The following NELL2 variants were observed in gnomAD, a reference collection of about 807,000 sequenced individuals.
NELL2 encodes neural EGFL like 2, also known as protein kinase C-binding protein NELL2.
A neutral mutation model predicts 109.6 loss-of-function variants in NELL2; 41 were observed. That is an observed-to-expected ratio of 0.37 (90% CI 0.29 to 0.49). The LOEUF is 0.49. NELL2 is among the 20% of genes least tolerant of loss of function. The probability of loss-of-function intolerance (pLI) is 0.98; values close to 1 mark genes in which losing one functional copy is unlikely to be tolerated. For missense variants in NELL2, 900 were observed against 1,008.3 expected, an observed-to-expected ratio of 0.89 and a Z score of 1.45; for synonymous variants, 355 against 344.7, an observed-to-expected ratio of 1.03 and a Z score of -0.33.
At chr12:44,799,303 A>G (rs1465930179) in intron 3 of NELL2, among the ~76,000 whole-genome samples, 2 of 152,040 alleles carry the variant, frequency 1.3e-5, no homozygotes, top group Non-Finnish European at 2.9e-5. Context: ...ACCTTTGTGC[A>G]ATACAGTAAG....
chr12:44,872,497 T>C (rs1172324805), intron 2 of NELL2, among the ~76,000 whole-genome samples: 2 of 152,122 alleles, frequency 1.3e-5, no homozygotes, highest in Non-Finnish European at 2.9e-5. Context: ...TAATAATAAA[T>C]TTACGAGTTT....
intron 13 of NELL2, among the ~76,000 whole-genome samples, chr12:44,627,509 C>T (rs946602510): frequency 3.3e-5 from 5 of 150,702 alleles, no homozygotes; most frequent in African/African-American, 9.7e-5. Flanking sequence ...GTACAACGAA[C>T]TTATTACTTA....
chr12:44,579,891 C>T (rs2136208911), intron 15 of NELL2, among the ~76,000 whole-genome samples: 1 of 152,284 alleles, frequency 6.6e-6, no homozygotes, highest in Middle Eastern at 3.4e-3. Context: ...ATTTCAATGG[C>T]TTTCTGAGAG....
upstream of NELL2, chr12:44,876,598 T>C: frequency 1.3e-6 from 2 of 1,545,938 alleles, no homozygotes; most frequent in East Asian, 2.4e-5. Context: ...GGGCGGTCTT[T>C]GCTCTCACCC....
intron 13 of NELL2, among the ~76,000 whole-genome samples, chr12:44,657,189 T>C (rs1458880187): frequency 6.6e-6 from 1 of 152,160 alleles, no homozygotes; most frequent in Non-Finnish European, 1.5e-5. Flanking sequence ...GAAGAAAATA[T>C]CATCATAAAA....
chr12:44,760,080 T>A (rs965170839), intron 9 of NELL2, among the ~76,000 whole-genome samples: 5 of 152,188 alleles, frequency 3.3e-5, no homozygotes, highest in African/African-American at 1.2e-4. Context: ...GCACTTAGAA[T>A]CTAAATTTGC....
At position 44,580,835 on chromosome 12, in the gene NELL2, A is replaced by G. The variant is rs1027378046; in HGVS notation, c.1663+26334T>C. Among the ~76,000 whole-genome samples, 5 of 152,148 alleles carry G rather than the reference A, an allele frequency of 3.3e-5. No homozygotes were observed. In the South Asian group the frequency reaches 1.0e-3, roughly 31 times the overall value. ...GTATTTTATTATTTGTGAGCTGTAC[A>G]TTTCAGCTCATTTTATATAACAAAT... On this transcript the variant is annotated intron_variant, in intron 15 of 19. Coordinates refer to ENST00000429094, the MANE Select transcript of NELL2 (RefSeq NM_001145108.2).
chr12:44,738,617 T>A (rs73285437), intron 9 of NELL2, among the ~76,000 whole-genome samples: 1 of 151,944 alleles, frequency 6.6e-6, no homozygotes, highest in African/African-American at 2.4e-5. Flanking sequence ...GTCAAACTCA[T>A]AGAAGCAAAG....
intron 9 of NELL2, among the ~76,000 whole-genome samples, chr12:44,725,502 G>T (rs931375557): frequency 6.6e-6 from 1 of 152,040 alleles, no homozygotes; most frequent in African/African-American, 2.4e-5. Flanking sequence ...CCCATTACTG[G>T]GTACATACTC....
At chr12:44,873,032 C>T (rs1332602497) in intron 2 of NELL2, among the ~76,000 whole-genome samples, 1 of 152,164 alleles carries the variant, frequency 6.6e-6, no homozygotes, top group East Asian at 1.9e-4. Context: ...CAAAGGGCCA[C>T]CTTTTGTCAA....
chr12:44,723,493 T>G (rs558964663), intron 9 of NELL2, among the ~76,000 whole-genome samples: 3 of 152,174 alleles, frequency 2.0e-5, no homozygotes, highest in Non-Finnish European at 4.4e-5. Context: ...ACTTTAAACA[T>G]TTTAAACACA....
At position 44,623,754 on chromosome 12, in the gene NELL2, TG is replaced by T. The variant is rs777859116; in HGVS notation, c.1445-12785del. On this transcript the variant is annotated intron_variant, in intron 13 of 19. Coordinates refer to ENST00000429094, the MANE Select transcript of NELL2 (RefSeq NM_001145108.2). ...TGTTTGCCATTTTTACTTATGCCCT[TG>T]GCCTCTGGGATTCCAATCAGACTGT... 1.0e-3 allele frequency among the ~76,000 whole-genome samples: 156 copies of T among 152,284 alleles called. 2 individuals are homozygous for T. Among genetic ancestry groups the T allele is most frequent in the Non-Finnish European group, 1.6e-3 (112 of 68,020 alleles).
chr12:44,920,685 T>G (rs926127888), intron 1 of NELL2, among the ~76,000 whole-genome samples: 6 of 152,178 alleles, frequency 3.9e-5, no homozygotes, highest in Non-Finnish European at 7.3e-5. Context: ...GTGGCAGAAT[T>G]TCCTACAAGC....
intron 11 of NELL2, among the ~76,000 whole-genome samples, chr12:44,710,067 G>A (rs1482865762): frequency 2.6e-5 from 4 of 152,120 alleles, no homozygotes; most frequent in Non-Finnish European, 5.9e-5. Context: ...AATTCCTAAA[G>A]AGCCTCACAT....
At chr12:44,537,915 T>C (rs1347581536) in intron 15 of NELL2, among the ~76,000 whole-genome samples, 4 of 152,162 alleles carry the variant, frequency 2.6e-5, no homozygotes. Flanking sequence ...TGGTAACATA[T>C]GTAAGTAAAA....
chr12:44,598,373 G>T (rs984109968), intron 15 of NELL2, among the ~76,000 whole-genome samples: 9 of 151,476 alleles, frequency 5.9e-5, no homozygotes, highest in Non-Finnish European at 4.4e-5. Flanking sequence ...ATTTAGGAAC[G>T]GAAAAAAACA....
intron 9 of NELL2, among the ~76,000 whole-genome samples, chr12:44,761,646 G>T (rs903230688): frequency 6.6e-6 from 1 of 152,254 alleles, no homozygotes; most frequent in South Asian, 2.1e-4. Context: ...TCAATGTAAT[G>T]ACTGGATAAA....
chr12:44,862,337 A>G (rs1944867433), intron 2 of NELL2, among the ~76,000 whole-genome samples: 1 of 152,240 alleles, frequency 6.6e-6, no homozygotes, highest in Non-Finnish European at 1.5e-5. Flanking sequence ...TGTTTTTAAT[A>G]GTGGTATTTC....
Position 44,821,219 on chromosome 12 carries a change from T to C in NELL2, c.185-5083A>G, listed in dbSNP as rs1439577940. ...CTTGATAGCAGCAACAATTACTACTTCCTTTTTTAAAATAAGCAAAAACAG... is the reference window on the plus strand; with the variant it reads ...CTTGATAGCAGCAACAATTACTACTCCCTTTTTTAAAATAAGCAAAAACAG... On this transcript the variant is annotated intron_variant, in intron 2 of 19. Transcript: ENST00000429094. 6.6e-5 allele frequency among the ~76,000 whole-genome samples: 10 copies of C among 152,280 alleles called. 1 individual carries two copies. In the South Asian group the frequency reaches 2.1e-3, roughly 32 times the overall value.
Sources: allele counts gnomAD v4.1 joint callset (sites outside exome capture counted in the v4.1 genomes callset), GRCh38; gene constraint gnomAD v4.1.1; transcripts MANE v1.5; gene names NCBI Gene and HGNC (gene_info 2026-07-23, HGNC 2026-07-21).